Variants in KBTBD12 observed in about 807,000 individuals in gnomAD.
KBTBD12 encodes the protein kelch repeat and BTB domain containing 12, also known as kelch repeat and BTB domain-containing protein 12.
In KBTBD12, 53 loss-of-function variants were observed where a neutral mutation model predicts 58.7. The ratio of observed to expected loss-of-function variants is 0.90; its 90% CI spans 0.72 to 1.14. The LOEUF is 1.14. KBTBD12 is among the 50% of genes most tolerant of loss of function. The pLI, the probability that KBTBD12 is intolerant of heterozygous loss-of-function variation, is 0.00. For missense variants in KBTBD12, 704 were observed against 751.3 expected (o/e 0.94, Z 0.74); for synonymous variants, 236 against 259.8 (o/e 0.91, Z 0.88).
chr3:127,980,473 G>A (rs1392793407), intron 5 of KBTBD12, among the ~76,000 whole-genome samples: 2 of 152,194 alleles, frequency 1.3e-5, no homozygotes, highest in Non-Finnish European at 2.9e-5. Context: ...GGGACTACAG[G>A]TGGGCGCTAC....
intron 4 of KBTBD12, among the ~76,000 whole-genome samples, chr3:127,941,895 C>T (rs1038263030): frequency 2.4e-4 from 36 of 152,260 alleles, no homozygotes; most frequent in East Asian, 1.4e-3. Context: ...CCATCATGCC[C>T]GGCCAATATC....
At chr3:127,961,676 C>T (rs1279965389) in intron 4 of KBTBD12, among the ~76,000 whole-genome samples, 10 of 152,188 alleles carry the variant, frequency 6.6e-5, no homozygotes, top group Admixed American at 6.5e-4. Context: ...CAGTAGCACA[C>T]TCACTTGGAC....
intron 5 of KBTBD12, among the ~76,000 whole-genome samples, chr3:127,980,629 C>T (rs765788747): frequency 1.3e-5 from 2 of 152,144 alleles, no homozygotes; most frequent in Non-Finnish European, 2.9e-5. Flanking sequence ...TGTGCCTGGC[C>T]GAGTGTAGTT....
intron 5 of KBTBD12, among the ~76,000 whole-genome samples, chr3:127,969,732 T>C (rs1472394611): frequency 6.6e-6 from 1 of 152,200 alleles, no homozygotes; most frequent in Non-Finnish European, 1.5e-5. Flanking sequence ...GATCCTTTTT[T>C]CAACAAATGG....
chr3:127,963,556 C>G, intron 5 of KBTBD12, 170 bp downstream of exon 5: 1 of 597,776 alleles, frequency 1.7e-6, no homozygotes, highest in Admixed American at 3.4e-5. Context: ...TTCACATGGA[C>G]AAAGTGAAGC....
chr3:127,922,500 T>G (rs1413685044), intron 1 of KBTBD12, among the ~76,000 whole-genome samples: 1 of 152,168 alleles, frequency 6.6e-6, no homozygotes, highest in African/African-American at 2.4e-5. Flanking sequence ...GCCCCAGTCA[T>G]GAATTTATGG....
intron 4 of KBTBD12, among the ~76,000 whole-genome samples, chr3:127,933,359 G>A (rs181766313): frequency 6.6e-6 from 1 of 152,216 alleles, no homozygotes; most frequent in Admixed American, 6.5e-5. Flanking sequence ...ATGTTTGTGA[G>A]TAGAGGGTGG....
In KBTBD12 at chr3:127,987,603, C is replaced by T. The variant is rs1247175836; in HGVS notation, c.*3325C>T. ...TGTTCAACACGGTGGCATTGTTCTC[C>T]CTGACTTCATAATGAGCAAATGTTT... On this transcript the variant is annotated 3_prime_UTR_variant, in exon 6 of 6. Transcript: ENST00000405109. 6.6e-6 allele frequency: 1 copy of T among 152,232 alleles called. No individual in the cohort carries two copies. Among genetic ancestry groups the T allele is most frequent in the Non-Finnish European group, 1.5e-5 (1 of 68,046 alleles). The allele number at this position is 152,232 out of a possible 1,614,324, so 9.4% of individuals were successfully genotyped here.
chr3:127,936,925 C>A (rs1939841846), intron 4 of KBTBD12, among the ~76,000 whole-genome samples: 1 of 152,060 alleles, frequency 6.6e-6, no homozygotes, highest in Non-Finnish European at 1.5e-5. Context: ...GGAATTGCAA[C>A]CCAAATTCGC....
intron 4 of KBTBD12, among the ~76,000 whole-genome samples, chr3:127,932,722 G>A (rs922086474): frequency 6.6e-6 from 1 of 152,040 alleles, no homozygotes; most frequent in Non-Finnish European, 1.5e-5. Flanking sequence ...TGTTGCTATT[G>A]CTAATATTGA....
At chr3:127,977,593 A>G (rs1430955974) in intron 5 of KBTBD12, among the ~76,000 whole-genome samples, 1 of 152,162 alleles carries the variant, frequency 6.6e-6, no homozygotes, top group Non-Finnish European at 1.5e-5. Context: ...GATATTAAGC[A>G]TTTTTAATAT....
Position 127,930,180 on chromosome 3 carries a change from G to T in KBTBD12, c.1389G>T (p.Leu463Phe), listed in dbSNP as rs556191230. 1.2e-6 allele frequency: 2 copies of T among 1,603,186 alleles called. No homozygotes were observed. The highest frequency in any genetic ancestry group is 2.2e-5 in the East Asian group (1 of 44,672). The change falls in exon 4 of 6, where the codon TTG becomes TTT. Residue 463 changes from leucine to phenylalanine, a missense_variant. Physicochemically the swap from Leu to Phe is conservative, Grantham distance 22 (BLOSUM62 0). Transcript: ENST00000405109. ...EEPDRLSNKL[L>F]QYDPSQDQWS... ...CTGATCGATTAAGCAACAAACTGTT[G>T]CAGTATGACCCCAGCCAAGATCAAT...
chr3:127,923,620 A>C lies in KBTBD12; in HGVS notation c.559A>C (p.Asn187His), dbSNP rs1457231498. The C allele has an allele frequency of 6.2e-7, 1 of 1,613,658 alleles. No individual in the cohort carries two copies. The highest frequency in any genetic ancestry group is 1.3e-5 in the African/African-American group (1 of 74,940). The stretch of plus-strand genomic sequence containing the variant: ...GACACTTATTAAATCAGATGATCTT[A>C]ACATATCCAGAGAAGAGAGCATTCT... The part of the protein sequence containing the change: ...FLTLIKSDDL[N>H]ISREESILDL... Residue 187 changes from asparagine to histidine, a missense_variant, in exon 2 of 6, where the codon AAC becomes CAC. By Grantham distance (68) the Asn-to-His change is moderately conservative. Transcript: ENST00000405109.
At chr3:127,930,364 C>A in intron 4 of KBTBD12, 81 bp downstream of exon 4, 1 of 1,249,542 alleles carries the variant, frequency 8.0e-7, no homozygotes, top group East Asian at 2.5e-5. Context: ...AAACGTTCTC[C>A]TTTGCACTTG....
intron 4 of KBTBD12, among the ~76,000 whole-genome samples, chr3:127,942,498 C>G (rs1192732596): frequency 1.3e-5 from 2 of 151,832 alleles, no homozygotes; most frequent in Non-Finnish European, 2.9e-5. Context: ...ATTGCATGCT[C>G]TCATTTTTAA....
intron 4 of KBTBD12, 57 bp from the exon 5 acceptor site, chr3:127,963,132 G>C: frequency 7.0e-7 from 1 of 1,437,460 alleles, no homozygotes. Context: ...GGGCAGTGCT[G>C]TCCACAATTG....
chr3:127,967,452 A>G (rs1188426875), intron 5 of KBTBD12, among the ~76,000 whole-genome samples: 1 of 152,228 alleles, frequency 6.6e-6, no homozygotes, highest in African/African-American at 2.4e-5. Flanking sequence ...ACTGTACTGG[A>G]AAATGTGGAA....
At chr3:127,919,373 G>A (rs1939342364) in intron 1 of KBTBD12, among the ~76,000 whole-genome samples, 1 of 152,206 alleles carries the variant, frequency 6.6e-6, no homozygotes, top group African/African-American at 2.4e-5. Flanking sequence ...TGGGATTACA[G>A]GCGCAAGCCC....
At chr3:127,929,396 C>T (rs989612067) in intron 3 of KBTBD12, among the ~76,000 whole-genome samples, 1 of 152,142 alleles carries the variant, frequency 6.6e-6, no homozygotes, top group African/African-American at 2.4e-5. Context: ...AAAAAAATGG[C>T]ACTCATGAAT....
Sources: allele counts gnomAD v4.1 joint callset (sites outside exome capture counted in the v4.1 genomes callset), GRCh38; gene constraint gnomAD v4.1.1; transcripts MANE v1.5; gene names NCBI Gene and HGNC (gene_info 2026-07-23, HGNC 2026-07-21).